MNAT1: variants seen among roughly 807,000 people sequenced by gnomAD.
MNAT1 encodes the protein CDK-activating kinase assembly factor MAT1.
Under a neutral mutation model 42.0 loss-of-function variants are expected in MNAT1, and 43 were observed. That is an observed-to-expected ratio of 1.02 (90% CI 0.80 to 1.32). MNAT1 has a LOEUF of 1.32. Among genes scored for constraint, MNAT1 ranks in the 40% most tolerant of loss-of-function variants. The probability of loss-of-function intolerance (pLI) is 0.00; values close to 1 mark genes in which losing one functional copy is unlikely to be tolerated. For missense variants in MNAT1, 306 were observed against 350.4 expected (o/e 0.87, Z 1.01); for synonymous variants, 118 against 120.0 (o/e 0.98, Z 0.11).
At chr14:60,821,246 T>G (rs1314220947) in intron 6 of MNAT1, among the ~76,000 whole-genome samples, 2 of 152,108 alleles carry the variant, frequency 1.3e-5, no homozygotes, top group Non-Finnish European at 2.9e-5. Context: ...CCTCCAAAAG[T>G]GTTAGGATTA....
At chr14:60,928,449 G>C (rs2035809507) in intron 7 of MNAT1, among the ~76,000 whole-genome samples, 1 of 152,172 alleles carries the variant, frequency 6.6e-6, no homozygotes, top group Non-Finnish European at 1.5e-5. Context: ...GTTTTATAAA[G>C]TGGCTGTACA....
intron 3 of MNAT1, among the ~76,000 whole-genome samples, chr14:60,801,641 C>T (rs1275011135): frequency 6.6e-6 from 1 of 152,186 alleles, no homozygotes; most frequent in East Asian, 1.9e-4. Flanking sequence ...TATCATTTCA[C>T]ATCTGTTAGA....
chr14:60,769,564 G>T (rs915338558), intron 1 of MNAT1, among the ~76,000 whole-genome samples: 15 of 152,068 alleles, frequency 9.9e-5, no homozygotes, highest in African/African-American at 3.4e-4. Flanking sequence ...GATTATAGGT[G>T]TGAGCCACTG....
intron 6 of MNAT1, among the ~76,000 whole-genome samples, chr14:60,878,745 A>G (rs1303946391): frequency 6.6e-6 from 1 of 152,062 alleles, no homozygotes; most frequent in Non-Finnish European, 1.5e-5. Context: ...CTTAGTAGAC[A>G]TTGCTTTGAT....
chr14:60,875,220 C>T (rs905693556), intron 6 of MNAT1, among the ~76,000 whole-genome samples: 3 of 151,986 alleles, frequency 2.0e-5, no homozygotes, highest in Middle Eastern at 3.2e-3. Context: ...GATTTACTTA[C>T]GGCCATTAAA....
At chr14:60,944,810 T>A (rs1188894145) in intron 7 of MNAT1, among the ~76,000 whole-genome samples, 1 of 152,186 alleles carries the variant, frequency 6.6e-6, no homozygotes, top group Non-Finnish European at 1.5e-5. Flanking sequence ...CTAGGAGAAA[T>A]TATCTCTGGT....
At chr14:60,898,095 TTGTGTGTGTGTGTGTG>T (rs756357048) in intron 7 of MNAT1, among the ~76,000 whole-genome samples, 34 of 143,782 alleles carry the variant, frequency 2.4e-4, no homozygotes, top group African/African-American at 5.4e-4. Flanking sequence ...TAGTAATACA[TTGTGTGTGTGTGTGTG>T]TGTGTGTGTG....
intron 7 of MNAT1, among the ~76,000 whole-genome samples, chr14:60,883,578 C>T (rs938262550): frequency 2.0e-5 from 3 of 151,984 alleles, no homozygotes; most frequent in Non-Finnish European, 4.4e-5. Flanking sequence ...TTTTGTGATT[C>T]CATATAAATT....
At chr14:60,854,057 A>G (rs1031748075) in intron 6 of MNAT1, among the ~76,000 whole-genome samples, 2 of 152,118 alleles carry the variant, frequency 1.3e-5, no homozygotes, top group African/African-American at 2.4e-5. Flanking sequence ...TTGATCCTCA[A>G]TCTCTGATAC....
At chr14:60,888,804 A>G (rs2139481405) in intron 7 of MNAT1, among the ~76,000 whole-genome samples, 1 of 130,110 alleles carries the variant, frequency 7.7e-6, no homozygotes, top group East Asian at 2.1e-4. Flanking sequence ...TACACCAACA[A>G]CAGACAAACA....
intron 6 of MNAT1, among the ~76,000 whole-genome samples, chr14:60,873,932 T>G (rs1448412292): frequency 1.3e-5 from 2 of 152,198 alleles, no homozygotes; most frequent in Non-Finnish European, 2.9e-5. Context: ...GAACATTTAG[T>G]TTCCTTTTAG....
At chr14:60,927,048 C>T (rs2035782876) in intron 7 of MNAT1, among the ~76,000 whole-genome samples, 1 of 152,078 alleles carries the variant, frequency 6.6e-6, no homozygotes, top group Non-Finnish European at 1.5e-5. Context: ...GTTTATTAGC[C>T]CTGTGCCAGG....
At chr14:60,752,601 G>T (rs1215224025) in intron 1 of MNAT1, among the ~76,000 whole-genome samples, 1 of 152,040 alleles carries the variant, frequency 6.6e-6, no homozygotes, top group Non-Finnish European at 1.5e-5. Flanking sequence ...GGGGGTCAAG[G>T]CTGCAGTGAG....
intron 7 of MNAT1, among the ~76,000 whole-genome samples, chr14:60,890,223 C>G (rs535126977): frequency 1.3e-5 from 2 of 152,044 alleles, no homozygotes; most frequent in African/African-American, 4.8e-5. Context: ...AATGATAGAG[C>G]GGATTAAGAA....
chr14:60,777,870 C>T (rs2031308528), intron 1 of MNAT1, among the ~76,000 whole-genome samples: 1 of 151,958 alleles, frequency 6.6e-6, no homozygotes. Flanking sequence ...CAAAGTAGAC[C>T]ATAACAAGTA....
At chr14:60,881,024 T>C (rs2034539759) in intron 7 of MNAT1, among the ~76,000 whole-genome samples, 1 of 152,198 alleles carries the variant, frequency 6.6e-6, no homozygotes, top group Non-Finnish European at 1.5e-5. Context: ...TAAAATAAAT[T>C]TACTTCAAAA....
intron 7 of MNAT1, among the ~76,000 whole-genome samples, chr14:60,929,162 A>ATATATATATATAT (rs1422031735): frequency 7.8e-6 from 1 of 127,960 alleles, no homozygotes; most frequent in African/African-American, 3.5e-5. Flanking sequence ...AAAAAAAAAA[A>ATATATATATATAT]AAAAAAAAAT....
chr14:60,786,833 A>T (rs1419075907), intron 1 of MNAT1, among the ~76,000 whole-genome samples: 1 of 152,216 alleles, frequency 6.6e-6, no homozygotes, highest in Non-Finnish European at 1.5e-5. Flanking sequence ...TGGAAAAGGG[A>T]TAAGCATTTT....
intron 1 of MNAT1, among the ~76,000 whole-genome samples, chr14:60,768,427 A>G (rs1384602049): frequency 6.6e-6 from 1 of 152,190 alleles, no homozygotes. Context: ...TTTGGTTTTA[A>G]ATGATATGTT....
Sources: gnomAD v4.1 joint callset for allele counts (sites outside exome capture counted in the v4.1 genomes callset) on GRCh38, gnomAD v4.1.1 for gene constraint, MANE v1.5 for transcripts, NCBI Gene and HGNC (gene_info 2026-07-23, HGNC 2026-07-21) for gene names.